MAK: variants seen among roughly 807,000 people sequenced by gnomAD.
MAK encodes male germ cell associated kinase, also known as serine/threonine-protein kinase MAK.
A neutral mutation model predicts 82.6 loss-of-function variants in MAK; 65 were observed. The observed-to-expected ratio is 0.79, with a 90% confidence interval of 0.64 to 0.97. The LOEUF is 0.97. Among genes scored for constraint, MAK ranks in the 50% least tolerant of loss-of-function variants. The pLI, the probability that MAK is intolerant of heterozygous loss-of-function variation, is 0.00. For missense variants in MAK, 703 were observed against 780.2 expected (o/e 0.90, Z 1.18); for synonymous variants, 250 against 274.2 (o/e 0.91, Z 0.87).
chr6:10,777,160 A>C (rs989367815), intron 11 of MAK, among the ~76,000 whole-genome samples: 11 of 152,072 alleles, frequency 7.2e-5, no homozygotes, highest in Non-Finnish European at 2.9e-5. Context: ...TAATCCCAGC[A>C]CTTTGGGAGG....
rs56258728 is a variant in MAK, at chr6:10,800,562, G to A, written c.831+1330C>T. Among the ~76,000 whole-genome samples, 5,758 of 151,618 alleles carry A rather than the reference G, an allele frequency of 0.038. 300 individuals are homozygous for A. Among genetic ancestry groups the A allele is most frequent in the African/African-American group, 0.13 (5,312 of 41,284 alleles). On this transcript the variant is annotated intron_variant, in intron 8 of 14. Transcript: ENST00000354489. The surrounding 1 kb of genome is among the most constrained non-coding windows in gnomAD (Gnocchi z 4.2). ...ACACTTTGAAAATGTAATCCTGGTC[G>A]GGCGCGGTGGCTCACACCTGTAATC...
At chr6:10,783,786 C>T (rs911833416) in intron 11 of MAK, among the ~76,000 whole-genome samples, 7 of 152,160 alleles carry the variant, frequency 4.6e-5, no homozygotes, top group Non-Finnish European at 8.8e-5. Context: ...TTTGGGAGGC[C>T]AAGGCGGGCG....
intron 5 of MAK, 84 bp from the exon 6 acceptor site, chr6:10,809,026 T>A: frequency 8.5e-7 from 1 of 1,182,900 alleles, no homozygotes; most frequent in Non-Finnish European, 1.2e-6. Context: ...AAAATATAAA[T>A]GAACCCCCTC....
intron 5 of MAK, among the ~76,000 whole-genome samples, chr6:10,813,134 AAATTTTT>A (rs1777175082): frequency 0.017 from 12 of 722 alleles, 2 homozygotes; most frequent in African/African-American, 0.033. Context: ...ATATATATAT[AAATTTTT>A]TTTTTTTTTT....
chr6:10,815,945 T>TATATATATATATATATAAATAA (rs1171616235), intron 4 of MAK, among the ~76,000 whole-genome samples: 14 of 116,858 alleles, frequency 1.2e-4, no homozygotes, highest in African/African-American at 5.3e-4. Context: ...TATATATATA[T>TATATATATATATATATAAATAA]ATGTATGTTT....
At chr6:10,815,512 A>T (rs905728212) in intron 4 of MAK, among the ~76,000 whole-genome samples, 3 of 152,044 alleles carry the variant, frequency 2.0e-5, no homozygotes, top group African/African-American at 7.2e-5. Context: ...AGTCCCAGCT[A>T]CTTGGGGCAC....
chr6:10,803,599 A>G (rs1776179542), intron 7 of MAK, 121 bp downstream of exon 7: 1 of 798,304 alleles, frequency 1.3e-6, no homozygotes, highest in Admixed American at 2.5e-5. Context: ...AGCCTATTTC[A>G]AAATGAAAAT....
At chr6:10,813,764 C>A in intron 4 of MAK, 41 bp from the exon 5 acceptor site, 1 of 1,125,808 alleles carries the variant, frequency 8.9e-7, no homozygotes, top group South Asian at 1.2e-5. Context: ...GTTAAGCAAC[C>A]AGCCAACCAA....
chr6:10,772,497 C>A (rs1463127087), intron 13 of MAK, among the ~76,000 whole-genome samples: 1 of 151,990 alleles, frequency 6.6e-6, no homozygotes, highest in Non-Finnish European at 1.5e-5. Flanking sequence ...GTGCATGCCA[C>A]CACACACAGC....
chr6:10,783,749 A>C (rs539222371), intron 11 of MAK, among the ~76,000 whole-genome samples: 4 of 152,156 alleles, frequency 2.6e-5, no homozygotes, highest in African/African-American at 4.8e-5. Flanking sequence ...GGCTGGGCAC[A>C]GTGGCTCACG....
intron 14 of MAK, among the ~76,000 whole-genome samples, chr6:10,766,433 C>G (rs1258574251): frequency 6.6e-6 from 1 of 152,194 alleles, no homozygotes; most frequent in East Asian, 1.9e-4. Context: ...GCTCCCCACT[C>G]CATGGTTTGA....
chr6:10,784,639 A>G, intron 10 of MAK, 67 bp from the exon 11 acceptor site: 1 of 1,458,708 alleles, frequency 6.9e-7, no homozygotes, highest in Admixed American at 1.7e-5. Flanking sequence ...CCCTCTGCAC[A>G]TCTCGCCCAC....
chr6:10,825,858 T>TA (rs999983983), intron 2 of MAK, among the ~76,000 whole-genome samples: 1 of 152,156 alleles, frequency 6.6e-6, no homozygotes, highest in African/African-American at 2.4e-5. Flanking sequence ...CCACCACCAC[T>TA]TCTAACCAAC....
intron 1 of MAK, among the ~76,000 whole-genome samples, chr6:10,836,747 C>T (rs1019628919): frequency 3.3e-5 from 5 of 152,084 alleles, no homozygotes; most frequent in African/African-American, 9.7e-5. Flanking sequence ...ACAAAAAACC[C>T]AAGTAAATAT....
intron 3 of MAK, 44 bp from the exon 4 acceptor site, chr6:10,818,015 TAC>T: frequency 7.5e-7 from 1 of 1,324,672 alleles, no homozygotes; most frequent in Non-Finnish European, 1.0e-6. Context: ...AAAAAAAACT[TAC>T]AGAATTTGGC....
chr6:10,836,959 G>A (rs949746649), intron 1 of MAK, among the ~76,000 whole-genome samples: 4 of 152,100 alleles, frequency 2.6e-5, no homozygotes, highest in Non-Finnish European at 5.9e-5. Flanking sequence ...CATAATTACC[G>A]TTTCTCTAAG....
intron 1 of MAK, among the ~76,000 whole-genome samples, chr6:10,835,187 T>G (rs1562013612): frequency 6.6e-6 from 1 of 152,266 alleles, no homozygotes; most frequent in Admixed American, 6.5e-5. Context: ...AGAATTCAGC[T>G]GCCTTCAGCC....
intron 8 of MAK, among the ~76,000 whole-genome samples, chr6:10,801,360 AAT>A (rs1776002871): frequency 6.6e-6 from 1 of 152,264 alleles, no homozygotes; most frequent in Admixed American, 6.5e-5. Flanking sequence ...CTAGACTTGG[AAT>A]ACATCTGTAG....
chr6:10,784,586 G>A lies in MAK; in HGVS notation c.1317-14C>T. ...GGCTCTGGAAGCCTTGAAAGCCAAT[G>A]AAAGGTAGCATTACAGCACGAACAA... On this transcript the variant is annotated splice_polypyrimidine_tract_variant and intron_variant, in intron 10 of 14. Coordinates refer to ENST00000354489, the MANE Select transcript of MAK (RefSeq NM_001242957.3). The A allele has an allele frequency of 6.2e-7, 1 of 1,614,028 alleles. No homozygotes were observed. The highest frequency in any genetic ancestry group is 1.1e-5 in the South Asian group (1 of 91,080).
Sources: gnomAD v4.1 joint callset for allele counts (sites outside exome capture counted in the v4.1 genomes callset) on GRCh38, gnomAD v4.1.1 for gene constraint, Gnocchi (gnomAD v3.1) non-coding constraint, MANE v1.5 for transcripts, NCBI Gene and HGNC (gene_info 2026-07-23, HGNC 2026-07-21) for gene names.